WDR7: variants seen among roughly 807,000 people sequenced by gnomAD.
The protein encoded by WDR7 is WD repeat-containing protein 7.
WDR7 carries 46 observed loss-of-function variants against 169.4 expected under a neutral mutation model. That is an observed-to-expected ratio of 0.27 (90% CI 0.21 to 0.35). The LOEUF (loss-of-function observed/expected upper bound fraction) is 0.35, where lower values mean the gene tolerates loss of function less well. Ranked by LOEUF, WDR7 falls within the 10% of genes least tolerant of loss-of-function variation. The pLI, the probability that WDR7 is intolerant of heterozygous loss-of-function variation, is 1.00. For synonymous variants in WDR7, 612 were observed against 666.8 expected, an observed-to-expected ratio of 0.92 and a Z score of 1.27; for missense variants, 1,534 against 1,859.3, an observed-to-expected ratio of 0.83 and a Z score of 3.22.
intron 1 of WDR7, among the ~76,000 whole-genome samples, chr18:56,656,522 T>C (rs1446180588): frequency 6.6e-6 from 1 of 151,658 alleles, no homozygotes; most frequent in Non-Finnish European, 1.5e-5. Context: ...TCAGGCAATC[T>C]GCCCGCCTCA....
intron 20 of WDR7, among the ~76,000 whole-genome samples, chr18:56,839,847 C>T (rs1034292450): frequency 2.6e-5 from 4 of 151,990 alleles, no homozygotes; most frequent in African/African-American, 7.2e-5. Flanking sequence ...CAGGTCACGC[C>T]GTCAGGTGTT....
rs534846360 is a variant in WDR7 at position 57,027,584 on chromosome 18, A to G, written c.*377A>G. ...CCAGATCAGCATTTTTAGCCATCTC[A>G]ACCGCACCTCTGAAGTGCTGCTTGA... On this transcript the variant is annotated 3_prime_UTR_variant, in exon 28 of 28. Coordinates refer to ENST00000254442, the MANE Select transcript of WDR7 (RefSeq NM_015285.3). 7.5e-4 allele frequency: 190 copies of G among 251,820 alleles called. 2 individuals carry two copies. Among genetic ancestry groups the G allele is most frequent in the African/African-American group, 3.9e-3 (174 of 44,156 alleles). The allele number at this position is 251,820 out of a possible 1,614,324, so 15.6% of individuals were successfully genotyped here. A position where few individuals can be genotyped will look rare whatever the true frequency, so the allele number is the denominator to read the frequency against.
At chr18:56,667,559 A>G (rs1229639552) in intron 1 of WDR7, among the ~76,000 whole-genome samples, 3 of 152,212 alleles carry the variant, frequency 2.0e-5, no homozygotes, top group African/African-American at 7.2e-5. Context: ...AATTATGGTT[A>G]AGCATAGAGT....
At chr18:57,012,346 C>T (rs963815314) in intron 26 of WDR7, among the ~76,000 whole-genome samples, 1 of 152,084 alleles carries the variant, frequency 6.6e-6, no homozygotes, top group African/African-American at 2.4e-5. Flanking sequence ...GGGAGATTGC[C>T]GTGGACCAGG....
chr18:56,863,257 G>T (rs1322083699), intron 20 of WDR7, among the ~76,000 whole-genome samples: 1 of 151,580 alleles, frequency 6.6e-6, no homozygotes, highest in Non-Finnish European at 1.5e-5. Context: ...TAATTGTAGG[G>T]ATAATAAATC....
intron 14 of WDR7, among the ~76,000 whole-genome samples, chr18:56,732,038 A>T (rs2026599018): frequency 6.6e-6 from 1 of 152,206 alleles, no homozygotes; most frequent in African/African-American, 2.4e-5. Context: ...GATTGTAAAG[A>T]TTTAAGAAAA....
chr18:56,842,736 G>A (rs1207811769), intron 20 of WDR7, among the ~76,000 whole-genome samples: 1 of 152,132 alleles, frequency 6.6e-6, no homozygotes, highest in African/African-American at 2.4e-5. Context: ...ATGCACATAG[G>A]AAACTACTAA....
At chr18:56,767,802 ATTC>A (rs763693523) in intron 16 of WDR7, among the ~76,000 whole-genome samples, 274 of 152,274 alleles carry the variant, frequency 1.8e-3, no homozygotes, top group Non-Finnish European at 2.4e-3. Context: ...TGTTTAATGT[ATTC>A]TTAGTAATGG....
intron 26 of WDR7, among the ~76,000 whole-genome samples, chr18:57,019,288 C>T (rs909326196): frequency 3.3e-5 from 5 of 152,156 alleles, no homozygotes; most frequent in South Asian, 2.1e-4. Context: ...CAGAACGCTA[C>T]GTATTACCTC....
In WDR7 at chr18:56,935,838, C is replaced by T. The variant is rs1300636244; in HGVS notation, c.3764C>T (p.Ala1255Val). 8.1e-6 allele frequency: 13 copies of T among 1,614,032 alleles called. No homozygotes were observed. Among genetic ancestry groups the T allele is most frequent in the Non-Finnish European group, 9.3e-6 (11 of 1,180,032 alleles). The change falls in exon 23 of 28, where the codon GCG becomes GTG. Residue 1255 changes from alanine (A) to valine (V), a missense_variant. Coordinates refer to ENST00000254442, the MANE Select transcript of WDR7 (RefSeq NM_015285.3). ...CCAGCAGCTGACTCGGCCCGCTCTG[C>T]GAGGCATGCCCTCTCGCTCATTGCC... ...LSPAADSARS[A>V]RHALSLIATA... is the part of the protein sequence containing the mutation.
intron 12 of WDR7, among the ~76,000 whole-genome samples, chr18:56,709,871 T>A (rs1383627763): frequency 6.6e-6 from 1 of 152,080 alleles, no homozygotes; most frequent in East Asian, 1.9e-4. Context: ...AAAAATGTGG[T>A]ATAGTTTTCA....
At chr18:57,008,526 G>A (rs560030441) in intron 26 of WDR7, among the ~76,000 whole-genome samples, 1 of 152,318 alleles carries the variant, frequency 6.6e-6, no homozygotes, top group African/African-American at 2.4e-5. Flanking sequence ...TGACACGGGA[G>A]TGCTGGCCGT....
intron 20 of WDR7, among the ~76,000 whole-genome samples, chr18:56,840,998 C>T (rs1220374445): frequency 6.6e-6 from 1 of 152,064 alleles, no homozygotes; most frequent in African/African-American, 2.4e-5. Flanking sequence ...TGAGACCAGC[C>T]TGGCCAACAT....
intron 21 of WDR7, among the ~76,000 whole-genome samples, chr18:56,901,532 A>G (rs917692130): frequency 1.3e-5 from 2 of 152,190 alleles, no homozygotes; most frequent in Non-Finnish European, 1.5e-5. Flanking sequence ...TTGCATTTCA[A>G]TGGCCTAGTA....
intron 20 of WDR7, among the ~76,000 whole-genome samples, chr18:56,866,043 T>A (rs1374987230): frequency 6.6e-6 from 1 of 152,184 alleles, no homozygotes; most frequent in African/African-American, 2.4e-5. Context: ...TTAACTAATT[T>A]CTATGCAGTA....
intron 26 of WDR7, among the ~76,000 whole-genome samples, chr18:56,966,111 G>A (rs73958721): frequency 0.026 from 3,896 of 152,162 alleles, 150 homozygotes; most frequent in African/African-American, 0.081. Flanking sequence ...CGCTACAACG[G>A]GGTCTTGCAG....
At chr18:56,885,504 A>G (rs900927497) in intron 21 of WDR7, among the ~76,000 whole-genome samples, 12 of 152,110 alleles carry the variant, frequency 7.9e-5, no homozygotes, top group African/African-American at 2.6e-4. Flanking sequence ...AAGTCTCAGC[A>G]ATAGAATCGA....
At chr18:56,961,333 T>G (rs1300666809) in intron 25 of WDR7, among the ~76,000 whole-genome samples, 1 of 152,066 alleles carries the variant, frequency 6.6e-6, no homozygotes, top group Non-Finnish European at 1.5e-5. Flanking sequence ...TCTGTCATGT[T>G]TTGCCTCTTC....
intron 1 of WDR7, among the ~76,000 whole-genome samples, chr18:56,659,264 A>G (rs2024851904): frequency 6.6e-6 from 1 of 152,250 alleles, no homozygotes; most frequent in Non-Finnish European, 1.5e-5. Context: ...GAACTAGTTG[A>G]CAAGAAACTG....
Sources: allele counts gnomAD v4.1 joint callset (sites outside exome capture counted in the v4.1 genomes callset), GRCh38; gene constraint gnomAD v4.1.1; transcripts MANE v1.5; gene names NCBI Gene and HGNC (gene_info 2026-07-23, HGNC 2026-07-21).